Variants in RIMS2 observed in about 807,000 individuals in gnomAD.
RIMS2 encodes regulating synaptic membrane exocytosis 2, also known as regulating synaptic membrane exocytosis protein 2.
A neutral mutation model predicts 174.4 loss-of-function variants in RIMS2; 59 were observed. The ratio of observed to expected loss-of-function variants is 0.34; its 90% confidence interval spans 0.27 to 0.42. The LOEUF (loss-of-function observed/expected upper bound fraction) is 0.42, where lower values mean the gene tolerates loss of function less well. Ranked by LOEUF, RIMS2 falls within the 10% of genes least tolerant of loss-of-function variation. The pLI is 1.00. For synonymous variants in RIMS2, 606 were observed against 572.5 expected (o/e 1.06, Z -0.84); for missense variants, 1,620 against 1,666.3 (o/e 0.97, Z 0.48).
intron 2 of RIMS2, among the ~76,000 whole-genome samples, chr8:103,718,431 T>G (rs533030903): frequency 2.0e-5 from 3 of 152,198 alleles, no homozygotes; most frequent in Non-Finnish European, 4.4e-5. Context: ...GTAATTTGTC[T>G]TCTAGTGTAT....
chr8:104,144,633 C>A (rs938606834), intron 19 of RIMS2, among the ~76,000 whole-genome samples: 11 of 152,064 alleles, frequency 7.2e-5, no homozygotes, highest in Non-Finnish European at 7.4e-5. Context: ...TGACTTTTAG[C>A]AGACTGGTCA....
intron 2 of RIMS2, among the ~76,000 whole-genome samples, chr8:103,709,197 TTAAGA>T (rs1238447388): frequency 1.7e-4 from 26 of 152,160 alleles, no homozygotes; most frequent in Admixed American, 1.6e-3. Flanking sequence ...AATTTGGGAC[TTAAGA>T]TATATTCTAT....
At chr8:103,630,931 T>C (rs190111976) in intron 1 of RIMS2, among the ~76,000 whole-genome samples, 118 of 152,306 alleles carry the variant, frequency 7.7e-4, no homozygotes, top group African/African-American at 2.6e-3. Flanking sequence ...TTGAGAAGTG[T>C]CTGTTCATGT....
At chr8:103,892,510 A>G (rs1354372830) in intron 4 of RIMS2, among the ~76,000 whole-genome samples, 1 of 152,022 alleles carries the variant, frequency 6.6e-6, no homozygotes, top group African/African-American at 2.4e-5. Context: ...GACTTGTAAT[A>G]AAATTTACTA....
intron 19 of RIMS2, among the ~76,000 whole-genome samples, chr8:104,198,311 G>A (rs531132315): frequency 8.5e-5 from 13 of 152,372 alleles, no homozygotes; most frequent in African/African-American, 2.9e-4. Context: ...GCTGCCTGAT[G>A]CAAGCCTGAG....
At chr8:103,652,969 A>G (rs2096479026) in intron 1 of RIMS2, among the ~76,000 whole-genome samples, 1 of 152,148 alleles carries the variant, frequency 6.6e-6, no homozygotes, top group Admixed American at 6.6e-5. Context: ...ATTCAGTAAA[A>G]CATCCTTTTC....
chr8:103,918,675 T>G (rs1378245017), intron 9 of RIMS2, 188 bp downstream of exon 12: 8 of 558,128 alleles, frequency 1.4e-5, no homozygotes, highest in Admixed American at 3.1e-5. Context: ...TGTAGAATAT[T>G]TTAAGTTTTT....
chr8:103,581,024 G>A (rs1052007986), intron 1 of RIMS2, among the ~76,000 whole-genome samples: 1 of 151,722 alleles, frequency 6.6e-6, no homozygotes. Flanking sequence ...TAGAGATGGG[G>A]TTTTGCTGTG....
intron 1 of RIMS2, among the ~76,000 whole-genome samples, chr8:103,694,231 T>C (rs2097069137): frequency 6.6e-6 from 1 of 152,150 alleles, no homozygotes; most frequent in Admixed American, 6.5e-5. Context: ...TAGACCAGGA[T>C]GCTAACATGT....
At chr8:103,790,288 C>T (rs1228077981) in intron 3 of RIMS2, among the ~76,000 whole-genome samples, 1 of 152,196 alleles carries the variant, frequency 6.6e-6, no homozygotes, top group African/African-American at 2.4e-5. Context: ...CCTCTGGCAA[C>T]CACTAATCTA....
At chr8:103,942,806 G>C in exon 14 of RIMS2, 2 of 1,612,666 alleles carry the variant, frequency 1.2e-6, no homozygotes, top group Non-Finnish European at 1.7e-6. Flanking sequence ...ATTATTAGAT[G>C]ATGAGCCACA....
intron 3 of RIMS2, among the ~76,000 whole-genome samples, chr8:103,781,640 G>C (rs1238346295): frequency 5.3e-5 from 8 of 150,622 alleles, no homozygotes; most frequent in Admixed American, 5.3e-4. Context: ...TGTTCTCTTT[G>C]AATGTGTTTT....
chr8:103,652,960 T>C (rs2096478834), intron 1 of RIMS2, among the ~76,000 whole-genome samples: 1 of 152,148 alleles, frequency 6.6e-6, no homozygotes, highest in African/African-American at 2.4e-5. Context: ...GCCATACTTA[T>C]TCAGTAAAAC....
chr8:103,998,501 G>A (rs1482618546), intron 17 of RIMS2, among the ~76,000 whole-genome samples: 2 of 151,574 alleles, frequency 1.3e-5, no homozygotes, highest in African/African-American at 2.4e-5. Context: ...TAGTTCATCA[G>A]GAATTACAGT....
rs140214353 is a variant in RIMS2, at chr8:103,559,289, C to A, written c.176+58227C>A. On this transcript the variant is annotated intron_variant, in intron 1 of 23. Coordinates refer to ENST00000504942, the Ensembl canonical transcript of RIMS2. Reference sequence around the variant, plus strand: ...GATCCTGATTTTCCTAATTAGCCTTCCCATTAGCAGGGACATCTCTTCCAT... The same window carrying A: ...GATCCTGATTTTCCTAATTAGCCTTACCATTAGCAGGGACATCTCTTCCAT... The A allele has an allele frequency of 4.8e-4, 93 of 192,184 alleles. 3 individuals are homozygous for A. In the East Asian group the frequency reaches 0.012, roughly 24 times the overall value. 11.9% of individuals were successfully genotyped at this position (192,184 alleles called of 1,614,324 possible).
At chr8:104,171,493 T>C (rs1473335770) in intron 19 of RIMS2, among the ~76,000 whole-genome samples, 1 of 69,968 alleles carries the variant, frequency 1.4e-5, no homozygotes, top group Non-Finnish European at 2.5e-5. Flanking sequence ...TTCTGATTGA[T>C]TTTTTTTGTT....
chr8:104,136,038 A>G (rs2098516553), intron 19 of RIMS2, among the ~76,000 whole-genome samples: 3 of 152,236 alleles, frequency 2.0e-5, no homozygotes, highest in Admixed American at 2.0e-4. Context: ...TGATTAGTGT[A>G]GCTATGTCTC....
rs142928432 is a variant in RIMS2, at chr8:103,628,208, T to C, written c.177-68878T>C. On this transcript the variant is annotated intron_variant, in intron 1 of 23. Coordinates refer to ENST00000504942, the Ensembl canonical transcript of RIMS2. ...CAAGTTGGGTATGCACACTCCACTT[T>C]ATTTTCTCTACTAATTACAATTTTA... Among the ~76,000 whole-genome samples the C allele has an allele frequency of 6.1e-4, 93 of 152,286 alleles. No individual in the cohort carries two copies. In the East Asian group the frequency reaches 0.016, roughly 26 times the overall value.
chr8:103,605,905 G>A (rs1042630883), intron 1 of RIMS2, among the ~76,000 whole-genome samples: 40 of 149,122 alleles, frequency 2.7e-4, no homozygotes, highest in African/African-American at 1.0e-3. Context: ...TTCTTTATTA[G>A]TCTTGCTAGC....
Sources: allele counts gnomAD v4.1 joint callset (sites outside exome capture counted in the v4.1 genomes callset), GRCh38; gene constraint gnomAD v4.1.1; transcripts MANE v1.5; gene names NCBI Gene and HGNC (gene_info 2026-07-23, HGNC 2026-07-21).